The following CRYBG1 variants were observed in gnomAD, a reference collection of about 807,000 sequenced individuals.
The protein encoded by CRYBG1 is beta/gamma crystallin domain-containing protein 1.
Under a neutral mutation model 189.2 loss-of-function variants are expected in CRYBG1, and 139 were observed. That is an observed-to-expected ratio of 0.73 (90% CI 0.64 to 0.85). The LOEUF is 0.85. Among genes scored for constraint, CRYBG1 ranks in the 40% least tolerant of loss-of-function variants. CRYBG1 has a pLI of 0.00. For missense variants in CRYBG1, 2,611 were observed against 2,675.8 expected (o/e 0.98, Z 0.53); for synonymous variants, 1,023 against 1,017.1 (o/e 1.01, Z -0.11).
rs141839151 is a variant in CRYBG1 at position 106,482,455 on chromosome 6, C to A, written c.313-28975C>A. On this transcript the variant is annotated intron_variant, in intron 2 of 21. Coordinates refer to ENST00000633556, the MANE Select transcript of CRYBG1 (RefSeq NM_001371242.2). ...ATGGAATTACACAGGGAAAGTACACCAGAGAGCAGGAATCTGGGAGTCATC... is the reference window on the plus strand; with the variant it reads ...ATGGAATTACACAGGGAAAGTACACAAGAGAGCAGGAATCTGGGAGTCATC... Among the ~76,000 whole-genome samples the A allele has an allele frequency of 2.4e-3, 349 of 147,296 alleles. 1 individual carries two copies. Among genetic ancestry groups the A allele is most frequent in the East Asian group, 9.1e-3 (45 of 4,936 alleles).
chr6:106,412,940 C>A (rs149117187), intron 1 of CRYBG1, among the ~76,000 whole-genome samples: 1,654 of 109,174 alleles, frequency 0.015, 22 homozygotes, highest in African/African-American at 0.058. Flanking sequence ...AAGACAAATT[C>A]TTTAAAAAAA....
At chr6:106,414,793 CA>C (rs1770991783) in intron 1 of CRYBG1, among the ~76,000 whole-genome samples, 1 of 152,132 alleles carries the variant, frequency 6.6e-6, no homozygotes, top group South Asian at 2.1e-4. Flanking sequence ...ACTTTCTCTG[CA>C]GGCAAAAGTC....
In CRYBG1 at chr6:106,403,591, T is replaced by TTA. The variant is rs376757304; in HGVS notation, c.173+42513_173+42514dup. Among the ~76,000 whole-genome samples the TTA allele has an allele frequency of 3.3e-3, 506 of 152,358 alleles. 7 individuals carry two copies. The highest frequency in any genetic ancestry group is 0.016 in the South Asian group (78 of 4,824). On this transcript the variant is annotated intron_variant, in intron 1 of 21. Coordinates refer to ENST00000633556, the MANE Select transcript of CRYBG1 (RefSeq NM_001371242.2). ...TGTAACCAACAGTAAGAAACACATT[T>TTA]TATAGTGTAACCTAGTAAAACACAC...
chr6:106,499,183 C>T (rs1297942362), intron 2 of CRYBG1, among the ~76,000 whole-genome samples: 2 of 127,474 alleles, frequency 1.6e-5, no homozygotes, highest in African/African-American at 6.3e-5. Context: ...GACGGAGTCT[C>T]TCTCTGTCTC....
intron 1 of CRYBG1, among the ~76,000 whole-genome samples, chr6:106,413,591 C>T (rs920676721): frequency 2.6e-5 from 4 of 152,046 alleles, no homozygotes; most frequent in Non-Finnish European, 5.9e-5. Context: ...GCAGGAGAAT[C>T]ACTTGAACCT....
chr6:106,516,894 TATTA>T (rs1773435777), intron 3 of CRYBG1, among the ~76,000 whole-genome samples: 1 of 152,028 alleles, frequency 6.6e-6, no homozygotes, highest in African/African-American at 2.4e-5. Flanking sequence ...TAAAGTCGTA[TATTA>T]ATTAAGTAAG....
chr6:106,537,945 C>A (rs17067219), intron 8 of CRYBG1, among the ~76,000 whole-genome samples: 4,993 of 152,220 alleles, frequency 0.033, 277 homozygotes, highest in East Asian at 0.2. Context: ...CAAAAACCAC[C>A]GCCAAAAATG....
chr6:106,465,533 A>T (rs980669164), intron 2 of CRYBG1, among the ~76,000 whole-genome samples: 5 of 152,164 alleles, frequency 3.3e-5, no homozygotes, highest in African/African-American at 1.2e-4. Context: ...CCATGTCTTC[A>T]CTCAGAGAAG....
intron 2 of CRYBG1, among the ~76,000 whole-genome samples, chr6:106,459,771 C>T (rs956618808): frequency 5.9e-5 from 9 of 151,664 alleles, no homozygotes; most frequent in African/African-American, 1.9e-4. Flanking sequence ...GTTATTTTTG[C>T]GGGATAAATT....
chr6:106,552,145 C>A, intron 14 of CRYBG1, 39 bp from the exon 15 acceptor site: 1 of 1,546,384 alleles, frequency 6.5e-7, no homozygotes, highest in Non-Finnish European at 8.8e-7. Flanking sequence ...TGTGTTTGTT[C>A]TATTCATTTC....
chr6:106,374,094 C>G (rs1040785804), intron 1 of CRYBG1, among the ~76,000 whole-genome samples: 2 of 152,120 alleles, frequency 1.3e-5, no homozygotes, highest in African/African-American at 4.8e-5. Context: ...TTTATAGACA[C>G]CTGCTGTATG....
chr6:106,456,430 G>A (rs1771890721), intron 2 of CRYBG1, among the ~76,000 whole-genome samples: 1 of 151,740 alleles, frequency 6.6e-6, no homozygotes, highest in Admixed American at 6.6e-5. Flanking sequence ...CCAAAGTGCT[G>A]GGATTACAGG....
intron 1 of CRYBG1, among the ~76,000 whole-genome samples, chr6:106,392,026 A>T (rs1770517355): frequency 6.6e-6 from 1 of 151,948 alleles, no homozygotes; most frequent in Admixed American, 6.6e-5. Flanking sequence ...GTCCCTCAGG[A>T]AAACGTGAGC....
At chr6:106,562,637 C>T (rs1397823807) in intron 20 of CRYBG1, among the ~76,000 whole-genome samples, 2 of 151,984 alleles carry the variant, frequency 1.3e-5, no homozygotes, top group East Asian at 3.9e-4. Context: ...CAGGCGTGTG[C>T]CACCACGCCC....
chr6:106,449,755 C>T (rs899739990), intron 1 of CRYBG1, among the ~76,000 whole-genome samples: 10 of 152,124 alleles, frequency 6.6e-5, no homozygotes, highest in Admixed American at 6.5e-4. Context: ...AAGATATTAG[C>T]CTCACAGGTA....
At chr6:106,490,862 T>C (rs368156992) in intron 2 of CRYBG1, among the ~76,000 whole-genome samples, 23 of 149,556 alleles carry the variant, frequency 1.5e-4, no homozygotes, top group Non-Finnish European at 3.3e-4. Flanking sequence ...CCTGTTGCTC[T>C]TGATGAGCAC....
intron 1 of CRYBG1, among the ~76,000 whole-genome samples, chr6:106,437,546 C>T (rs1771482333): frequency 6.6e-6 from 1 of 152,114 alleles, no homozygotes; most frequent in Non-Finnish European, 1.5e-5. Flanking sequence ...AAGCAATCCT[C>T]CTGCCCCAGC....
At position 106,438,107 on chromosome 6, in the gene CRYBG1, T is replaced by C. The variant is rs138127711; in HGVS notation, c.174-13587T>C. Among the ~76,000 whole-genome samples the C allele has an allele frequency of 3.3e-5, 5 of 152,300 alleles. No homozygotes were observed. In the East Asian group the frequency reaches 5.8e-4, roughly 18 times the overall value. ...CTTCCTTCCACAGGGCTTAGTAGAGTGCTTTACTAAGAGACAGCCCATTCT... is the reference window on the plus strand; with the variant it reads ...CTTCCTTCCACAGGGCTTAGTAGAGCGCTTTACTAAGAGACAGCCCATTCT... On this transcript the variant is annotated intron_variant, in intron 1 of 21. Transcript: ENST00000633556.
chr6:106,432,749 T>C (rs1444704523), intron 1 of CRYBG1, among the ~76,000 whole-genome samples: 2 of 152,118 alleles, frequency 1.3e-5, no homozygotes. Flanking sequence ...TTGAGGCCCC[T>C]CCATTAAACC....
Sources: allele counts gnomAD v4.1 joint callset (sites outside exome capture counted in the v4.1 genomes callset), GRCh38; gene constraint gnomAD v4.1.1; transcripts MANE v1.5; gene names NCBI Gene and HGNC (gene_info 2026-07-23, HGNC 2026-07-21).